The following IRAG2 variants were observed in gnomAD, a reference collection of about 807,000 sequenced individuals.
IRAG2 encodes inositol 1,4,5-triphosphate receptor associated 2.
Under a neutral mutation model 69.9 loss-of-function variants are expected in IRAG2, and 45 were observed. That is an observed-to-expected ratio of 0.64 (90% CI 0.51 to 0.83). The LOEUF is 0.83. Ranked by LOEUF, IRAG2 falls within the 40% of genes least tolerant of loss-of-function variation. IRAG2 has a pLI of 0.00. For missense variants in IRAG2, 520 were observed against 587.0 expected, an observed-to-expected ratio of 0.89 and a Z score of 1.18; for synonymous variants, 193 against 202.4, an observed-to-expected ratio of 0.95 and a Z score of 0.40.
chr12:24,999,894 A>G (rs1370623937), upstream of IRAG2, among the ~76,000 whole-genome samples: 3 of 152,140 alleles, frequency 2.0e-5, no homozygotes, highest in African/African-American at 4.8e-5. Context: ...CAGTATAACT[A>G]TGTCCTGTGC....
chr12:25,017,534 A>G (rs1944540674), intron 6 of IRAG2, among the ~76,000 whole-genome samples: 1 of 152,100 alleles, frequency 6.6e-6, no homozygotes, highest in African/African-American at 2.4e-5. Context: ...CCTGGCCAAC[A>G]TGGTGAAACT....
In IRAG2 at chr12:25,079,720, AGAG is replaced by A. The variant is rs751260767; in HGVS notation, c.207_209del (p.Glu69del). On this transcript the variant is annotated inframe_deletion, in exon 9 of 22. Coordinates refer to ENST00000556887, the MANE Select transcript of IRAG2 (RefSeq NM_001366544.2). The stretch of plus-strand genomic sequence containing the variant: ...TTGACAGAAACTCGCTCTGTAAGAA[AGAG>A]GAGGATACAAGATCAGCTTCTCCCA... The A allele has an allele frequency of 1.2e-6, 2 of 1,614,108 alleles. No homozygotes were observed. Among genetic ancestry groups the A allele is most frequent in the Admixed American group, 1.7e-5 (1 of 60,020 alleles).
chr12:24,998,529 T>C, the IRAG2 span, among the ~76,000 whole-genome samples: 1 of 152,206 alleles, frequency 6.6e-6, no homozygotes, highest in Non-Finnish European at 1.5e-5. Flanking sequence ...AAAACCATGC[T>C]CTGCCCTCCC....
At chr12:25,038,203 T>C (rs546577229) in intron 16 of IRAG2, 92 of 397,502 alleles carry the variant, frequency 2.3e-4, no homozygotes, top group Middle Eastern at 1.9e-3. Context: ...ATCATGCCAC[T>C]GCATTCAGTT....
intron 16 of IRAG2, among the ~76,000 whole-genome samples, chr12:25,040,837 C>T (rs1220097887): frequency 6.6e-6 from 1 of 152,152 alleles, no homozygotes; most frequent in Non-Finnish European, 1.5e-5. Context: ...TTCCCCAACC[C>T]CAGATGATAA....
At chr12:25,011,232 A>T in intron 2 of IRAG2, 1 of 680,798 alleles carries the variant, frequency 1.5e-6, no homozygotes, top group Non-Finnish European at 2.1e-6. Context: ...TTTACAATAT[A>T]CCATGCCAGC....
intron 19 of IRAG2, 88 bp from the exon 20 acceptor site, chr12:25,104,273 T>C: frequency 1.0e-6 from 1 of 979,668 alleles, no homozygotes; most frequent in South Asian, 1.4e-5. Context: ...GACATATAAT[T>C]TTGTATTTAC....
chr12:25,033,762 G>A (rs541317441), intron 12 of IRAG2: 115 of 395,434 alleles, frequency 2.9e-4, no homozygotes, highest in Middle Eastern at 1.9e-3. Flanking sequence ...TGATTGTTTC[G>A]TGATAAATGG....
chr12:25,011,016 T>G (rs762796030), intron 2 of IRAG2, among the ~76,000 whole-genome samples: 1 of 152,212 alleles, frequency 6.6e-6, no homozygotes, highest in Non-Finnish European at 1.5e-5. Context: ...GTAATGTCAT[T>G]TTGGTCACCT....
chr12:25,024,869 T>C (rs1219557780), intron 8 of IRAG2, among the ~76,000 whole-genome samples: 1 of 152,214 alleles, frequency 6.6e-6, no homozygotes, highest in Non-Finnish European at 1.5e-5. Flanking sequence ...CAAAGAATTG[T>C]ACCAAACCAG....
chr12:25,046,325 A>G (rs7316549), intron 16 of IRAG2, among the ~76,000 whole-genome samples: 58,281 of 151,774 alleles, frequency 0.38, 11,541 homozygotes, highest in South Asian at 0.49. Context: ...CACTCTCACC[A>G]CTTCTGTTCA....
intron 16 of IRAG2, among the ~76,000 whole-genome samples, chr12:25,042,003 GTGTT>G (rs1262609642): frequency 4.0e-5 from 6 of 151,406 alleles, no homozygotes; most frequent in Non-Finnish European, 7.4e-5. Context: ...ATGTGTATGT[GTGTT>G]TGTTTGTATA....
chr12:25,039,026 T>G (rs1054795121), intron 16 of IRAG2, among the ~76,000 whole-genome samples: 2 of 152,210 alleles, frequency 1.3e-5, no homozygotes, highest in Non-Finnish European at 2.9e-5. Flanking sequence ...AATGGGGAAA[T>G]TCTTGAAATT....
intron 17 of IRAG2, chr12:25,103,083 A>G (rs573204511): frequency 6.6e-6 from 1 of 152,334 alleles, no homozygotes; most frequent in Admixed American, 6.5e-5. Context: ...CTATGAAATT[A>G]AATTAGGGAT....
intron 6 of IRAG2, among the ~76,000 whole-genome samples, chr12:25,020,056 G>T (rs1475924445): frequency 1.3e-5 from 2 of 152,180 alleles, no homozygotes; most frequent in Non-Finnish European, 2.9e-5. Flanking sequence ...GCCTGGGACA[G>T]GTTCAGCACT....
chr12:25,069,709 T>G (rs1400990562), intron 6 of IRAG2, among the ~76,000 whole-genome samples: 1 of 152,148 alleles, frequency 6.6e-6, no homozygotes, highest in Non-Finnish European at 1.5e-5. Flanking sequence ...TGAGCTAAAC[T>G]TTTTGTTTGA....
chr12:25,059,066 T>C (rs2139947145), intron 1 of IRAG2, among the ~76,000 whole-genome samples: 1 of 152,312 alleles, frequency 6.6e-6, no homozygotes, highest in African/African-American at 2.4e-5. Flanking sequence ...AGATGGGCAA[T>C]TTAGACAATC....
At chr12:25,010,171 T>C (rs1944463678) in intron 2 of IRAG2, among the ~76,000 whole-genome samples, 2 of 152,174 alleles carry the variant, frequency 1.3e-5, no homozygotes, top group Non-Finnish European at 2.9e-5. Context: ...CCAGTTCTTC[T>C]ACAAATAAAA....
intron 13 of IRAG2, among the ~76,000 whole-genome samples, chr12:25,034,816 C>A (rs906800873): frequency 4.6e-5 from 7 of 152,226 alleles, no homozygotes; most frequent in African/African-American, 1.7e-4. Flanking sequence ...GCAGGGACAA[C>A]ATATGCTGCC....
Sources: allele counts gnomAD v4.1 joint callset (sites outside exome capture counted in the v4.1 genomes callset), GRCh38; gene constraint gnomAD v4.1.1; transcripts MANE v1.5; gene names NCBI Gene and HGNC (gene_info 2026-07-23, HGNC 2026-07-21).